The following ADAM8 variants were observed in gnomAD, a reference collection of about 807,000 sequenced individuals.
ADAM8 encodes ADAM metallopeptidase domain 8, also known as disintegrin and metalloproteinase domain-containing protein 8.
ADAM8 carries 104 observed loss-of-function variants against 102.4 expected under a neutral mutation model. The observed-to-expected ratio is 1.02, with a 90% CI of 0.87 to 1.20. The LOEUF (loss-of-function observed/expected upper bound fraction) is 1.20. Ranked by LOEUF, ADAM8 falls within the 50% of genes most tolerant of loss-of-function variation. The pLI, the probability that ADAM8 is intolerant of heterozygous loss-of-function variation, is 0.00. For synonymous variants in ADAM8, 517 were observed against 485.2 expected (o/e 1.07, Z -0.86); for missense variants, 1,132 against 1,159.0 (o/e 0.98, Z 0.34).
In ADAM8 at chr10:133,271,585, G is replaced by A. The variant is rs1165977358; in HGVS notation, c.1227C>T (p.Pro409=). 3.2e-6 allele frequency: 5 copies of A among 1,557,124 alleles called. No individual in the cohort carries two copies. The highest frequency in any genetic ancestry group is 2.0e-5 in the Admixed American group (1 of 51,216). The change falls in exon 12 of 23, where the codon CCC becomes CCT. Residue 409 remains proline, a synonymous_variant. Coordinates refer to ENST00000445355, the MANE Select transcript of ADAM8 (RefSeq NM_001109.5). The stretch of plus-strand genomic sequence containing the variant: ...GCTCCACAAACAGGTTCCCACACAC[G>A]GGGCCGCCCACCAGGTGGCTGAGGT... ...APDLSHLVGG[P]VCGNLFVERG... is the part of the protein sequence containing the mutation.
chr10:133,269,187 A>G, intron 18 of ADAM8: 1 of 984,848 alleles, frequency 1.0e-6, no homozygotes, highest in Non-Finnish European at 1.2e-6. Context: ...TGGAAGACAC[A>G]GGCTGAGGAC....
At chr10:133,270,144 C>G (rs1846470564) in intron 16 of ADAM8, among the ~76,000 whole-genome samples, 170 bp from the exon 17 acceptor site, 1 of 152,214 alleles carries the variant, frequency 6.6e-6, no homozygotes, top group South Asian at 2.1e-4. Flanking sequence ...AAGTGGCCCT[C>G]CTGGGGCACG....
At chr10:133,268,238 C>T in intron 19 of ADAM8, 120 bp from the exon 20 acceptor site, 2 of 940,984 alleles carry the variant, frequency 2.1e-6, no homozygotes, top group Non-Finnish European at 2.8e-6. Context: ...GAGGTTGTGG[C>T]CATGAGAGAC....
In ADAM8 at chr10:133,267,476, A is replaced by AC. The variant is rs5789158; in HGVS notation, c.2254-60dup. On this transcript the variant is annotated intron_variant, in intron 20 of 22. Coordinates refer to ENST00000445355, the MANE Select transcript of ADAM8 (RefSeq NM_001109.5). ...GCTGGGACCCCCGTGCCCCTCCAGC[A>AC]CCCCCAGCTCCAGGATCCGAGGTTC... 11,282 of 1,491,492 alleles carry AC rather than the reference A, an allele frequency of 7.6e-3. 373 individuals carry two copies. In the African/African-American group the frequency reaches 0.093, roughly 12 times the overall value. The allele number at this position is 1,491,492 out of a possible 1,614,324, so 92.4% of individuals were successfully genotyped here.
At position 133,270,204 on chromosome 10, in the gene ADAM8, A is replaced by G. The variant is rs192501665; in HGVS notation, c.1785+156T>C. ...TGAACTGAGAACCATGTCTCTCCCC[A>G]CCCCCGGAAACCTTTCAGTCTCTAC... On this transcript the variant is annotated intron_variant, in intron 16 of 22. Coordinates refer to ENST00000445355, the MANE Select transcript of ADAM8 (RefSeq NM_001109.5). Among the ~76,000 whole-genome samples, 565 of 152,154 alleles carry G rather than the reference A, an allele frequency of 3.7e-3. 2 individuals carry two copies. Among genetic ancestry groups the G allele is most frequent in the African/African-American group, 0.013 (542 of 41,518 alleles).
chr10:133,270,915 T>C lies in ADAM8; in HGVS notation c.1530A>G (p.Thr510=). ...GGYCYNGACP[T]LAQQCQAFWG... ...AGAAGGCCTGGCACTGCTGGGCCAGTGTGGGACAGGCCCCGTTGTAGCAGT... is the reference window on the plus strand; with the variant it reads ...AGAAGGCCTGGCACTGCTGGGCCAGCGTGGGACAGGCCCCGTTGTAGCAGT... Residue 510 remains threonine, a synonymous_variant, in exon 14 of 23, where the codon ACA becomes ACG. Coordinates refer to ENST00000445355, the MANE Select transcript of ADAM8 (RefSeq NM_001109.5). The C allele has an allele frequency of 2.5e-6, 4 of 1,612,556 alleles. No individual in the cohort carries two copies. The highest frequency in any genetic ancestry group is 1.3e-5 in the African/African-American group (1 of 75,030).
At chr10:133,273,521 T>C in intron 5 of ADAM8, 78 bp from the exon 6 acceptor site, 2 of 1,442,158 alleles carry the variant, frequency 1.4e-6, no homozygotes, top group South Asian at 1.4e-5. Context: ...AGGCTCCAGT[T>C]TGTTGCCTAC....
intron 19 of ADAM8, among the ~76,000 whole-genome samples, chr10:133,268,502 AC>A (rs1846404356): frequency 2.0e-5 from 3 of 152,124 alleles, no homozygotes; most frequent in Admixed American, 1.3e-4. Context: ...CCCAAGCCCA[AC>A]CGGCCACCAA....
In ADAM8 at chr10:133,272,461, C is replaced by T. The variant is rs368493010; in HGVS notation, c.830G>A (p.Arg277Gln). The change falls in exon 9 of 23, where the codon CGG becomes CAG. Residue 277 changes from arginine (R) to glutamine (Q), a missense_variant. Arg to Gln is a conservative substitution (Grantham distance 43, BLOSUM62 1). Transcript: ENST00000445355. ...TLENLLTWQA[R>Q]QRTRRHLHDN... ...ATGCAGGTGCCGCCGTGTCCGTTGC[C>T]GTGCCTGCCAGGTCAGGAGGTTCTC... The T allele has an allele frequency of 3.0e-5, 49 of 1,611,452 alleles. No individual in the cohort carries two copies. In the African/African-American group the frequency reaches 3.6e-4, roughly 12 times the overall value.
chr10:133,271,822 T>C lies in ADAM8; in HGVS notation c.1090A>G (p.Met364Val), dbSNP rs1333746688. ...QERFEAGRCI[M>V]AGSIGSSFPR... ...CCGCCTCACCCAATGCTGCCCGCCA[T>C]GATGCAGCGGCCGGCCTCGAAGCGT... is the stretch of plus-strand genomic sequence containing the variant. Residue 364 changes from methionine (M) to valine (V), a missense_variant, in exon 11 of 23, where the codon ATG (methionine) becomes GTG (valine). Coordinates refer to ENST00000445355, the MANE Select transcript of ADAM8 (RefSeq NM_001109.5). 3 of 1,611,316 alleles carry C rather than the reference T, an allele frequency of 1.9e-6. No individual in the cohort carries two copies. The highest frequency in any genetic ancestry group is 1.7e-5 in the Admixed American group (1 of 59,948).
At chr10:133,275,706 C>T in intron 1 of ADAM8, 119 bp from the exon 2 acceptor site, 1 of 572,660 alleles carries the variant, frequency 1.7e-6, no homozygotes, top group Non-Finnish European at 2.9e-6. Flanking sequence ...GGGAACTCAC[C>T]AGATAGCTCT....
Position 133,273,745 on chromosome 10 carries a change from T to C in ADAM8, c.383+17A>G. The stretch of plus-strand genomic sequence containing the variant: ...TCTCCACCTGCGGGAGCCCTGGCGT[T>C]CGTCCGCCACACCCACCTGAGGCCG... On this transcript the variant is annotated intron_variant, in intron 5 of 22. Coordinates refer to ENST00000445355, the MANE Select transcript of ADAM8 (RefSeq NM_001109.5). 1 of 1,545,548 alleles carries C rather than the reference T, an allele frequency of 6.5e-7. No individual in the cohort carries two copies.
chr10:133,274,217 C>T lies in ADAM8; in HGVS notation c.169G>A (p.Val57Met). The part of the protein sequence containing the change: ...PSHLGLHPER[V>M]SYVLGATGHN... ...CCTGTGGCCCCAAGGACGTAGCTCA[C>T]CCTCTCTGGGTGCAGGCCCTGAGCG... Residue 57 changes from valine (V) to methionine (M), a missense_variant, in exon 3 of 23, where the codon GTG (valine) becomes ATG (methionine). By Grantham distance (21) the Val-to-Met change is conservative. Transcript: ENST00000445355. 6.3e-7 allele frequency: 1 copy of T among 1,577,516 alleles called. No individual in the cohort carries two copies. The highest frequency in any genetic ancestry group is 8.6e-7 in the Non-Finnish European group (1 of 1,161,386).
chr10:133,271,345 G>T, intron 12 of ADAM8, 56 bp from the exon 13 acceptor site: 2 of 1,563,518 alleles, frequency 1.3e-6, no homozygotes, highest in Admixed American at 3.7e-5. Flanking sequence ...TGGGCTCCAG[G>T]GCGGACCTGG....
chr10:133,270,642 C>T, intron 15 of ADAM8, 94 bp downstream of exon 15: 1 of 1,539,760 alleles, frequency 6.5e-7, no homozygotes, highest in Non-Finnish European at 8.8e-7. Context: ...AGAGCAGACC[C>T]TCATGGGAGC....
At chr10:133,267,260 C>T in intron 21 of ADAM8, 92 bp downstream of exon 21, 4 of 1,387,184 alleles carry the variant, frequency 2.9e-6, no homozygotes, top group Non-Finnish European at 4.0e-6. Flanking sequence ...ACCTGGGGAT[C>T]CCTGGCCCCC....
At position 133,272,259 on chromosome 10, in the gene ADAM8, G is replaced by A. The variant is rs757179676; in HGVS notation, c.891C>T (p.Thr297=). The A allele has an allele frequency of 9.8e-6, 15 of 1,537,386 alleles. No individual in the cohort carries two copies. Among genetic ancestry groups the A allele is most frequent in the African/African-American group, 6.9e-5 (5 of 72,760 alleles). Residue 297 remains threonine, a synonymous_variant, in exon 10 of 23, where the codon ACC becomes ACT. Coordinates refer to ENST00000445355, the MANE Select transcript of ADAM8 (RefSeq NM_001109.5). ...CCCTGGCAAACCCCACGGTAGTCCC[G>A]GTGAAGTCGACACCCCTGGAAGTGG... is the stretch of plus-strand genomic sequence containing the variant. ...NVQLITGVDF[T]GTTVGFARVS...
intron 3 of ADAM8, 21 bp downstream of exon 3, chr10:133,274,138 G>T: frequency 6.3e-7 from 1 of 1,581,776 alleles, no homozygotes. Flanking sequence ...GGGCAGGGGG[G>T]CCGACCCGAG....
chr10:133,264,340 C>G (rs965016105), intron 21 of ADAM8, among the ~76,000 whole-genome samples: 10 of 152,220 alleles, frequency 6.6e-5, no homozygotes, highest in African/African-American at 2.4e-4. Context: ...GGATTACAGG[C>G]ATGAGCCAAT....
Sources: gnomAD v4.1 joint callset for allele counts (sites outside exome capture counted in the v4.1 genomes callset) on GRCh38, gnomAD v4.1.1 for gene constraint, MANE v1.5 for transcripts, NCBI Gene and HGNC (gene_info 2026-07-23, HGNC 2026-07-21) for gene names.